CMIP: variants seen among roughly 807,000 people sequenced by gnomAD.
The protein encoded by CMIP is c-Maf inducing protein, also known as C-Maf-inducing protein.
In CMIP, 13 loss-of-function variants were observed where a neutral mutation model predicts 97.3. The observed-to-expected ratio is 0.13, with a 90% CI of 0.09 to 0.21. The LOEUF (loss-of-function observed/expected upper bound fraction) is 0.21. CMIP is among the 10% of genes least tolerant of loss of function. CMIP has a pLI of 1.00. For missense variants in CMIP, 847 were observed against 1,024.9 expected, an observed-to-expected ratio of 0.83 and a Z score of 2.37; for synonymous variants, 538 against 436.3, an observed-to-expected ratio of 1.23 and a Z score of -2.91.
chr16:81,657,682 G>GC, intron 4 of CMIP, 93 bp from the exon 5 acceptor site: 1 of 1,083,434 alleles, frequency 9.2e-7, no homozygotes, highest in Non-Finnish European at 1.3e-6. Flanking sequence ...CGCTGAAGAT[G>GC]TTTCAAAACT....
rs779219646 is a variant in CMIP, at chr16:81,453,115, G to C, written c.300+7574G>C. Among the ~76,000 whole-genome samples the C allele has an allele frequency of 2.6e-5, 4 of 152,062 alleles. No homozygotes were observed. The highest frequency in any genetic ancestry group is 5.9e-5 in the Non-Finnish European group (4 of 68,008). On this transcript the variant is annotated intron_variant, in intron 1 of 20. Coordinates refer to ENST00000537098, the MANE Select transcript of CMIP (RefSeq NM_198390.3). The surrounding 1 kb of genome is among the most constrained non-coding windows in gnomAD (Gnocchi z 4.0). ...AGGAAGGGGTGAGGGGAAGTGTGTC[G>C]GCAAAGACCCTTGCAGCTGGCTCAG...
intron 20 of CMIP, among the ~76,000 whole-genome samples, chr16:81,708,511 G>T (rs1281517363): frequency 6.6e-6 from 1 of 152,246 alleles, no homozygotes; most frequent in Non-Finnish European, 1.5e-5. Flanking sequence ...ATCACTTTCA[G>T]TCGATTTTTT....
intron 1 of CMIP, among the ~76,000 whole-genome samples, chr16:81,594,906 C>CG (rs1357678695): frequency 7.3e-5 from 11 of 150,844 alleles, no homozygotes; most frequent in African/African-American, 2.7e-4. Context: ...CTGGGGATTA[C>CG]AGGTGTGAGC....
chr16:81,554,044 G>A (rs1027092927), intron 1 of CMIP, among the ~76,000 whole-genome samples: 5 of 152,186 alleles, frequency 3.3e-5, no homozygotes, highest in Non-Finnish European at 7.3e-5. Context: ...TGTGGTGGGC[G>A]GGACTTGGCC....
intron 1 of CMIP, among the ~76,000 whole-genome samples, chr16:81,570,474 A>G (rs556363118): frequency 2.0e-5 from 3 of 152,208 alleles, no homozygotes; most frequent in South Asian, 4.2e-4. Flanking sequence ...TTTTTAGTCT[A>G]TAAAATGTGC....
chr16:81,595,896 A>C (rs540501378), intron 1 of CMIP, among the ~76,000 whole-genome samples: 2 of 152,282 alleles, frequency 1.3e-5, no homozygotes, highest in South Asian at 4.1e-4. Context: ...TCTTAGATGT[A>C]TATCTAGGAG....
intron 1 of CMIP, among the ~76,000 whole-genome samples, chr16:81,483,591 CT>C (rs879640201): frequency 0.02 from 3,102 of 151,928 alleles, 37 homozygotes; most frequent in Middle Eastern, 0.034. Flanking sequence ...TCCTCTTCCT[CT>C]TCCTCTTCCT....
At chr16:81,481,107 C>T (rs1298100870) in intron 1 of CMIP, among the ~76,000 whole-genome samples, 1 of 152,152 alleles carries the variant, frequency 6.6e-6, no homozygotes, top group Non-Finnish European at 1.5e-5. Flanking sequence ...CTCCTATTTG[C>T]GTTTGAGATT....
chr16:81,524,882 C>A (rs2090099188), intron 1 of CMIP, among the ~76,000 whole-genome samples: 1 of 151,850 alleles, frequency 6.6e-6, no homozygotes, highest in African/African-American at 2.4e-5. Flanking sequence ...CAACCTCCAC[C>A]TCCCAGGTTC....
chr16:81,510,000 A>T (rs2089780599), intron 1 of CMIP, among the ~76,000 whole-genome samples: 1 of 152,162 alleles, frequency 6.6e-6, no homozygotes, highest in Non-Finnish European at 1.5e-5. Flanking sequence ...CTGGCTGGCA[A>T]ATTGAACCTC....
intron 1 of CMIP, among the ~76,000 whole-genome samples, chr16:81,603,236 C>A (rs187273161): frequency 5.9e-5 from 9 of 152,076 alleles, no homozygotes; most frequent in African/African-American, 2.2e-4. Flanking sequence ...CCCGCCACCA[C>A]GCCTGGCTCG....
At chr16:81,448,703 T>G (rs973114277) in intron 1 of CMIP, among the ~76,000 whole-genome samples, 4 of 152,220 alleles carry the variant, frequency 2.6e-5, no homozygotes, top group African/African-American at 9.6e-5. Flanking sequence ...CACCCTGTGC[T>G]TGGAGACTTT....
chr16:81,631,717 A>T (rs964328119), intron 3 of CMIP: 1 of 152,288 alleles, frequency 6.6e-6, no homozygotes, highest in Admixed American at 6.5e-5. Flanking sequence ...TAACTTGTTC[A>T]TTCTGTGGAT....
chr16:81,664,649 C>T (rs2092583922), intron 7 of CMIP: 3 of 566,602 alleles, frequency 5.3e-6, no homozygotes, highest in East Asian at 5.7e-5. Context: ...AGATGCCCTG[C>T]CCTCAAGGAC....
intron 1 of CMIP, among the ~76,000 whole-genome samples, chr16:81,569,031 C>T (rs890680709): frequency 2.0e-5 from 3 of 152,166 alleles, no homozygotes; most frequent in African/African-American, 7.2e-5. Context: ...CAGTTTTTCA[C>T]CTGGAGAACT....
chr16:81,610,542 TGG>T, intron 2 of CMIP: 1 of 985,438 alleles, frequency 1.0e-6, no homozygotes, highest in Non-Finnish European at 1.2e-6. Context: ...GGAACCCAGG[TGG>T]GTGCAGCCCC....
At chr16:81,587,767 T>G (rs1426273993) in intron 1 of CMIP, among the ~76,000 whole-genome samples, 1 of 152,204 alleles carries the variant, frequency 6.6e-6, no homozygotes, top group African/African-American at 2.4e-5. Context: ...AGATTTTTCA[T>G]GGTGATTTTA....
chr16:81,493,886 G>A (rs1280156204), intron 1 of CMIP, among the ~76,000 whole-genome samples: 4 of 152,222 alleles, frequency 2.6e-5, no homozygotes, highest in Admixed American at 2.6e-4. Flanking sequence ...GACTCACGCG[G>A]CCTGTCACCC....
chr16:81,485,976 G>A (rs562160782), intron 1 of CMIP, among the ~76,000 whole-genome samples: 1 of 152,302 alleles, frequency 6.6e-6, no homozygotes, highest in East Asian at 1.9e-4. Flanking sequence ...TCATGGGACC[G>A]ATGATCCTAA....
Sources: gnomAD v4.1 joint callset for allele counts (sites outside exome capture counted in the v4.1 genomes callset) on GRCh38, gnomAD v4.1.1 for gene constraint, Gnocchi (gnomAD v3.1) non-coding constraint, MANE v1.5 for transcripts, NCBI Gene and HGNC (gene_info 2026-07-23, HGNC 2026-07-21) for gene names.